CAMK4: variants seen among roughly 807,000 people sequenced by gnomAD.
CAMK4 encodes calcium/calmodulin dependent protein kinase IV, also known as calcium/calmodulin-dependent protein kinase type IV.
A neutral mutation model predicts 44.9 loss-of-function variants in CAMK4; 22 were observed. The observed-to-expected ratio is 0.49, with a 90% CI of 0.35 to 0.70. The LOEUF (loss-of-function observed/expected upper bound fraction) is 0.70. CAMK4 is among the 30% of genes least tolerant of loss of function. The pLI, the probability that CAMK4 is intolerant of heterozygous loss-of-function variation, is 0.01. For synonymous variants in CAMK4, 218 were observed against 215.4 expected, an observed-to-expected ratio of 1.01 and a Z score of -0.11; for missense variants, 498 against 586.8, an observed-to-expected ratio of 0.85 and a Z score of 1.56.
Position 111,233,171 on chromosome 5 carries a change from A to G in CAMK4, c.161+8527A>G, listed in dbSNP as rs1748554157. 1.3e-5 allele frequency among the ~76,000 whole-genome samples: 2 copies of G among 152,212 alleles called. 1 individual carries two copies. Among genetic ancestry groups the G allele is most frequent in the South Asian group, 4.1e-4 (2 of 4,836 alleles). ...TTTGCTAACCTAGACCAGTCAAGCT[A>G]AACTTCTGCTCCTCCCCAGTTGCAT... On this transcript the variant is annotated intron_variant, in intron 1 of 10. Coordinates refer to ENST00000282356, the MANE Select transcript of CAMK4 (RefSeq NM_001744.6).
chr5:111,422,142 C>A (rs1580731202), intron 5 of CAMK4, among the ~76,000 whole-genome samples: 1 of 152,170 alleles, frequency 6.6e-6, no homozygotes, highest in South Asian at 2.1e-4. Context: ...TGATTCTAAC[C>A]TTAGCAGTCT....
intron 1 of CAMK4, among the ~76,000 whole-genome samples, chr5:111,320,887 C>T (rs1232614553): frequency 6.6e-6 from 1 of 152,204 alleles, no homozygotes; most frequent in African/African-American, 2.4e-5. Flanking sequence ...ATCCTGCAGC[C>T]ATAACTATGG....
rs1173669138 is a variant in CAMK4 at position 111,413,672 on chromosome 5, T to TA, written c.459+18899dup. On this transcript the variant is annotated intron_variant, in intron 5 of 10. Coordinates refer to ENST00000282356, the MANE Select transcript of CAMK4 (RefSeq NM_001744.6). The stretch of plus-strand genomic sequence containing the variant: ...ATTTTGAAATAGAAAACATGTAATG[T>TA]AAAAAAAAATGCTTAAGCCTAAAAT... 1.1e-3 allele frequency among the ~76,000 whole-genome samples: 163 copies of TA among 150,378 alleles called. 1 individual carries two copies. The highest frequency in any genetic ancestry group is 3.4e-3 in the African/African-American group (138 of 41,046).
At chr5:111,361,905 A>G (rs1263890065) in intron 2 of CAMK4, among the ~76,000 whole-genome samples, 1 of 152,058 alleles carries the variant, frequency 6.6e-6, no homozygotes, top group East Asian at 1.9e-4. Flanking sequence ...ATTGTGTTTC[A>G]TGTTTAGTAG....
At chr5:111,329,415 T>C (rs1189051712) in intron 1 of CAMK4, among the ~76,000 whole-genome samples, 1 of 151,414 alleles carries the variant, frequency 6.6e-6, no homozygotes, top group Admixed American at 6.6e-5. Context: ...GAGTATTCAA[T>C]TAGGAAAAGA....
chr5:111,393,128 CAAA>C (rs1053651228), intron 4 of CAMK4, among the ~76,000 whole-genome samples: 15 of 152,104 alleles, frequency 9.9e-5, no homozygotes, highest in African/African-American at 3.1e-4. Context: ...TTTTAGCTAA[CAAA>C]GAAGCAGCAA....
At chr5:111,262,180 CAAAA>C (rs200729378) in intron 1 of CAMK4, among the ~76,000 whole-genome samples, 2 of 78,072 alleles carry the variant, frequency 2.6e-5, no homozygotes, top group Non-Finnish European at 6.1e-5. Context: ...GCTAAACGGG[CAAAA>C]AAAAAAAAAA....
intron 5 of CAMK4, among the ~76,000 whole-genome samples, chr5:111,415,656 A>G (rs1659788253): frequency 6.6e-6 from 1 of 152,186 alleles, no homozygotes; most frequent in African/African-American, 2.4e-5. Context: ...CCACAGATAA[A>G]GGGAACTAGT....
In CAMK4 at chr5:111,245,223, G is replaced by A. The variant is rs867535349; in HGVS notation, c.161+20579G>A. On this transcript the variant is annotated intron_variant, in intron 1 of 10. Transcript: ENST00000282356. ...TTTATTCTTAATTTCAATTAATACT[G>A]CCAGCACCCAATTTGCATTAAATAC... is the stretch of plus-strand genomic sequence containing the variant. 2.0e-5 allele frequency among the ~76,000 whole-genome samples: 3 copies of A among 152,164 alleles called. No individual in the cohort carries two copies. In the East Asian group the frequency reaches 5.8e-4, roughly 29 times the overall value.
chr5:111,430,930 T>G (rs1327142428), intron 5 of CAMK4, among the ~76,000 whole-genome samples: 1 of 152,072 alleles, frequency 6.6e-6, no homozygotes, highest in Non-Finnish European at 1.5e-5. Flanking sequence ...AATGACATTC[T>G]GTACAAAAAT....
intron 7 of CAMK4, among the ~76,000 whole-genome samples, chr5:111,463,921 T>A: frequency 6.6e-6 from 1 of 151,772 alleles, no homozygotes; most frequent in Non-Finnish European, 1.5e-5. Context: ...TCTGGTAATA[T>A]GACAAAAAAA....
chr5:111,340,465 A>G (rs1230225587), intron 1 of CAMK4, among the ~76,000 whole-genome samples: 5 of 151,382 alleles, frequency 3.3e-5, no homozygotes, highest in African/African-American at 1.2e-4. Flanking sequence ...TTCTGCATCT[A>G]TTGAGATGAT....
intron 1 of CAMK4, among the ~76,000 whole-genome samples, chr5:111,337,386 G>C (rs140003494): frequency 6.6e-6 from 1 of 151,128 alleles, no homozygotes; most frequent in African/African-American, 2.4e-5. Context: ...GACATACATA[G>C]GTCATATGAT....
intron 1 of CAMK4, among the ~76,000 whole-genome samples, chr5:111,262,506 A>G (rs904856754): frequency 2.6e-5 from 4 of 152,202 alleles, no homozygotes; most frequent in African/African-American, 9.6e-5. Context: ...TTATAATGGA[A>G]AGTTTTCTAA....
chr5:111,321,226 A>G (rs1465442469), intron 1 of CAMK4, among the ~76,000 whole-genome samples: 2 of 152,110 alleles, frequency 1.3e-5, no homozygotes, highest in African/African-American at 4.8e-5. Flanking sequence ...GCTGTCAAAA[A>G]CAGTTGCTGC....
At chr5:111,439,265 G>A (rs564773686) in intron 5 of CAMK4, among the ~76,000 whole-genome samples, 4 of 152,128 alleles carry the variant, frequency 2.6e-5, no homozygotes, top group Non-Finnish European at 4.4e-5. Context: ...GTGGCAGTGC[G>A]AAGCAGGGAC....
chr5:111,241,856 G>A (rs926976996), intron 1 of CAMK4, among the ~76,000 whole-genome samples: 20 of 152,304 alleles, frequency 1.3e-4, no homozygotes, highest in African/African-American at 3.4e-4. Flanking sequence ...GTTACAGAGC[G>A]GAGCACATTG....
At chr5:111,414,447 G>A (rs1033817850) in intron 5 of CAMK4, among the ~76,000 whole-genome samples, 1 of 152,082 alleles carries the variant, frequency 6.6e-6, no homozygotes, top group Non-Finnish European at 1.5e-5. Context: ...CCAGGTTAAT[G>A]ATTTAAATCA....
chr5:111,386,104 G>A (rs1464756474), intron 4 of CAMK4, among the ~76,000 whole-genome samples: 6 of 152,138 alleles, frequency 3.9e-5, no homozygotes, highest in Non-Finnish European at 8.8e-5. Flanking sequence ...AAAAGTATAT[G>A]AACTTGACAT....
Sources: gnomAD v4.1 joint callset for allele counts (sites outside exome capture counted in the v4.1 genomes callset) on GRCh38, gnomAD v4.1.1 for gene constraint, MANE v1.5 for transcripts, NCBI Gene and HGNC (gene_info 2026-07-23, HGNC 2026-07-21) for gene names.